Variants in ZNF543 observed in about 807,000 individuals in gnomAD.
The protein encoded by ZNF543 is zinc finger protein 543.
Under a neutral mutation model 13.4 loss-of-function variants are expected in ZNF543, and 10 were observed. The ratio of observed to expected loss-of-function variants is 0.75; its 90% CI spans 0.46 to 1.26. The LOEUF (loss-of-function observed/expected upper bound fraction) is 1.26, where lower values mean the gene tolerates loss of function less well. ZNF543 is among the 50% of genes most tolerant of loss of function. The pLI, the probability that ZNF543 is intolerant of heterozygous loss-of-function variation, is 0.00. For synonymous variants in ZNF543, 272 were observed against 264.7 expected, an observed-to-expected ratio of 1.03 and a Z score of -0.27; for missense variants, 768 against 741.2, an observed-to-expected ratio of 1.04 and a Z score of -0.42.
rs758343463 is a variant in ZNF543, at chr19:57,328,133, T to G, written c.671T>G (p.Val224Gly). The change falls in exon 4 of 4, where the codon GTG becomes GGG. Residue 224 changes from valine (V) to glycine (G), a missense_variant. By Grantham distance (109) the Val-to-Gly change is moderately radical. Coordinates refer to ENST00000321545, the MANE Select transcript of ZNF543 (RefSeq NM_213598.4). Reference protein sequence around the residue: ...LVQHERIHTQVKPYECTECGK... With the variant: ...LVQHERIHTQGKPYECTECGK... Reference sequence around the variant, plus strand: ...CAGCATGAACGGATTCACACTCAAGTGAAGCCCTATGAATGCACAGAGTGT... The same window carrying G: ...CAGCATGAACGGATTCACACTCAAGGGAAGCCCTATGAATGCACAGAGTGT... The G allele has an allele frequency of 2.5e-6, 4 of 1,614,212 alleles. No homozygotes were observed. In the South Asian group the frequency reaches 4.4e-5, roughly 18 times the overall value.
At position 57,328,518 on chromosome 19, in the gene ZNF543, A is replaced by T; in HGVS notation, c.1056A>T (p.Ser352=). 1.2e-6 allele frequency: 2 copies of T among 1,614,190 alleles called. No individual in the cohort carries two copies. The highest frequency in any genetic ancestry group is 8.5e-7 in the Non-Finnish European group (1 of 1,180,050). ...IECGKAFNRR[S]YLTWHQQIHT... is the part of the protein sequence containing the mutation. ...GTGGGAAGGCCTTCAACCGCCGGTC[A>T]TACCTCACGTGGCACCAACAGATTC... is the stretch of plus-strand genomic sequence containing the variant. Residue 352 remains serine, a synonymous_variant, in exon 4 of 4, where the codon TCA becomes TCT. Transcript: ENST00000321545.
chr19:57,327,108 C>G (rs550103002), intron 3 of ZNF543, among the ~76,000 whole-genome samples: 1 of 151,982 alleles, frequency 6.6e-6, no homozygotes, highest in Admixed American at 6.6e-5. Context: ...TTCAAGCTCT[C>G]CTCCTGCCTC....
chr19:57,322,482 CAAA>C (rs34137895), intron 1 of ZNF543, among the ~76,000 whole-genome samples: 3 of 128,562 alleles, frequency 2.3e-5, no homozygotes, highest in Admixed American at 7.6e-5. Context: ...GACCCTGTCT[CAAA>C]AAAAAAAAAA....
rs80015781 is a variant in ZNF543 at position 57,321,580 on chromosome 19, C to T, written c.18+709C>T. ...GGGCTGATTGGCAGGCATTATTTAA[C>T]CCTCAGCTCCTTTAATCCTGAACTC... On this transcript the variant is annotated intron_variant, in intron 1 of 3. Coordinates refer to ENST00000321545, the MANE Select transcript of ZNF543 (RefSeq NM_213598.4). Among the ~76,000 whole-genome samples, 45 of 152,328 alleles carry T rather than the reference C, an allele frequency of 3.0e-4. 2 individuals carry two copies. The East Asian group carries it at 8.7e-3, about 29-fold the overall frequency.
Position 57,328,534 on chromosome 19 carries a change from C to G in ZNF543, c.1072C>G (p.Gln358Glu). The G allele has an allele frequency of 2.5e-6, 4 of 1,613,998 alleles. No homozygotes were observed. Among genetic ancestry groups the G allele is most frequent in the Non-Finnish European group, 3.4e-6 (4 of 1,180,012 alleles). ...CCGCCGGTCATACCTCACGTGGCAC[C>G]AACAGATTCACACTGGAGTGAAACC... ...FNRRSYLTWHQQIHTGVKPFE... is the reference protein window; with the variant it reads ...FNRRSYLTWHEQIHTGVKPFE... Residue 358 changes from glutamine (Q) to glutamate (E), a missense_variant, in exon 4 of 4, where the codon CAA becomes GAA. Physicochemically the swap from Gln to Glu is conservative, Grantham distance 29. Coordinates refer to ENST00000321545, the MANE Select transcript of ZNF543 (RefSeq NM_213598.4).
intron 1 of ZNF543, 34 bp downstream of exon 1, chr19:57,320,905 C>T (rs377622588): frequency 1.3e-5 from 21 of 1,613,792 alleles, no homozygotes; most frequent in Middle Eastern, 1.6e-4. Context: ...TGCTGCTGCT[C>T]TGCTACTTCT....
intron 1 of ZNF543, among the ~76,000 whole-genome samples, chr19:57,322,482 C>CAAAAA (rs34137895): frequency 3.1e-5 from 4 of 128,548 alleles, no homozygotes; most frequent in African/African-American, 3.0e-5. Context: ...GACCCTGTCT[C>CAAAAA]AAAAAAAAAA....
chr19:57,330,479 TAAACTC>T lies in ZNF543; in HGVS notation c.*1216_*1221del, dbSNP rs1332621210. 1.3e-5 allele frequency: 2 copies of T among 152,156 alleles called. No individual in the cohort carries two copies. Among genetic ancestry groups the T allele is most frequent in the African/African-American group, 4.8e-5 (2 of 41,430 alleles). 9.4% of individuals were successfully genotyped at this position (152,156 alleles called of 1,614,324 possible). ...GCTGAATTCCTTTGAAAGATCATGA[TAAACTC>T]AGAAGAACAAACATAGAAGGAATGT... On this transcript the variant is annotated 3_prime_UTR_variant, in exon 4 of 4. Transcript: ENST00000321545.
chr19:57,328,947 G>A lies in ZNF543; in HGVS notation c.1485G>A (p.Thr495=), dbSNP rs199904541. 9.3e-6 allele frequency: 15 copies of A among 1,613,938 alleles called. No individual in the cohort carries two copies. The highest frequency in any genetic ancestry group is 4.4e-5 in the South Asian group (4 of 91,068). ...CCTTCAACCGCAGCTCACACCTCAC[G>A]AGGCACCAACAGATTCACACTGGAG... ...GKAFNRSSHL[T]RHQQIHTGEK... Residue 495 remains threonine (T), a synonymous_variant, in exon 4 of 4, where the codon ACG becomes ACA. Transcript: ENST00000321545.
At chr19:57,327,283 ATATG>A (rs1195433556) in intron 3 of ZNF543, among the ~76,000 whole-genome samples, 6 of 151,318 alleles carry the variant, frequency 4.0e-5, no homozygotes, top group Non-Finnish European at 8.8e-5. Context: ...CGACGATAGT[ATATG>A]TAGTGTTTCA....
chr19:57,324,230 A>G (rs1025485565), intron 2 of ZNF543, among the ~76,000 whole-genome samples: 1 of 152,044 alleles, frequency 6.6e-6, no homozygotes, highest in Non-Finnish European at 1.5e-5. Flanking sequence ...GGGTGCCTGT[A>G]ATCCCAGCTA....
chr19:57,326,181 G>GTTTTTTTT, intron 2 of ZNF543, among the ~76,000 whole-genome samples: 1 of 151,572 alleles, frequency 6.6e-6, no homozygotes, highest in African/African-American at 2.4e-5. Flanking sequence ...CAATGAGGAT[G>GTTTTTTTT]TTTTTTTTCT....
intron 3 of ZNF543, among the ~76,000 whole-genome samples, chr19:57,327,107 T>C (rs1317395894): frequency 6.6e-6 from 1 of 152,016 alleles, no homozygotes; most frequent in Non-Finnish European, 1.5e-5. Flanking sequence ...GTTCAAGCTC[T>C]CCTCCTGCCT....
At chr19:57,325,439 A>G (rs1338436066) in intron 2 of ZNF543, among the ~76,000 whole-genome samples, 1 of 152,204 alleles carries the variant, frequency 6.6e-6, no homozygotes, top group Non-Finnish European at 1.5e-5. Context: ...TGTGCAGATC[A>G]GCTCATACAG....
In ZNF543 at chr19:57,327,794, G is replaced by A. The variant is rs1023980894; in HGVS notation, c.332G>A (p.Gly111Glu). The A allele has an allele frequency of 9.9e-6, 16 of 1,613,958 alleles. No homozygotes were observed. Among genetic ancestry groups the A allele is most frequent in the Non-Finnish European group, 1.3e-5 (15 of 1,180,026 alleles). ...TTACTCCAGGAACAACTGACACAAG[G>A]AGCCTCAAAGAACTCCCAATTAGGG... ...EVLLQEQLTQGASKNSQLGQS... is the reference protein window; with the variant it reads ...EVLLQEQLTQEASKNSQLGQS... Residue 111 changes from glycine (G) to glutamate (E), a missense_variant, in exon 4 of 4, where the codon GGA becomes GAA. By Grantham distance (98) the Gly-to-Glu change is moderately conservative. This residue lies in a region of ZNF543 where 677 missense variants were observed against 631.4 expected (regional missense o/e 1.07). Transcript: ENST00000321545.
rs1235288005 is a variant in ZNF543, at chr19:57,328,402, A to G, written c.940A>G (p.Lys314Glu). Residue 314 changes from lysine (K) to glutamate (E), a missense_variant, in exon 4 of 4, where the codon AAA (lysine) becomes GAA (glutamate). Coordinates refer to ENST00000321545, the MANE Select transcript of ZNF543 (RefSeq NM_213598.4). ...CACTGGAGAAAAACCCTTTGTGTGC[A>G]AAGAGTGTGGCAAAGCCTTTCGAGA... is the stretch of plus-strand genomic sequence containing the variant. ...SHTGEKPFVC[K>E]ECGKAFRDRP... 1 of 1,613,740 alleles carries G rather than the reference A, an allele frequency of 6.2e-7. No individual in the cohort carries two copies. The highest frequency in any genetic ancestry group is 1.1e-5 in the South Asian group (1 of 91,068).
In ZNF543 at chr19:57,325,039, A is replaced by T. The variant is rs111572282; in HGVS notation, c.145+1231A>T. ...GTAAAGTTCTATGGCCAGGTGGCAT[A>T]TTGATTAAGGACTTGGATTTGAGAG... is the stretch of plus-strand genomic sequence containing the variant. On this transcript the variant is annotated intron_variant, in intron 2 of 3. Coordinates refer to ENST00000321545, the MANE Select transcript of ZNF543 (RefSeq NM_213598.4). Among the ~76,000 whole-genome samples the T allele has an allele frequency of 5.3e-3, 805 of 152,294 alleles. 15 individuals carry two copies. In the East Asian group the frequency reaches 0.057, roughly 11 times the overall value.
chr19:57,322,056 A>G (rs530709359), intron 1 of ZNF543, among the ~76,000 whole-genome samples: 1 of 152,304 alleles, frequency 6.6e-6, no homozygotes, highest in East Asian at 1.9e-4. Context: ...TAGCCAGGAC[A>G]GACATAGCCA....
intron 1 of ZNF543, 130 bp from the exon 2 acceptor site, chr19:57,323,552 T>C (rs751989809): frequency 9.2e-6 from 11 of 1,190,148 alleles, no homozygotes; most frequent in Non-Finnish European, 1.4e-5. Context: ...GCACAGATCA[T>C]GGCCCTCTAG....
Sources: gnomAD v4.1 joint callset for allele counts (sites outside exome capture counted in the v4.1 genomes callset) on GRCh38, gnomAD v4.1.1 for gene constraint, gnomAD v4.1.1 regional missense constraint, MANE v1.5 for transcripts, NCBI Gene and HGNC (gene_info 2026-07-23, HGNC 2026-07-21) for gene names.